The following FAM107B variants were observed in gnomAD, a reference collection of about 807,000 sequenced individuals.
FAM107B encodes the protein family with sequence similarity 107 member B, also known as protein FAM107B.
FAM107B carries 21 observed loss-of-function variants against 31.5 expected under a neutral mutation model. That is an observed-to-expected ratio of 0.67 (90% confidence interval 0.47 to 0.96). FAM107B has a LOEUF of 0.96. Ranked by LOEUF, FAM107B falls within the 40% of genes least tolerant of loss-of-function variation. The pLI, the probability that FAM107B is intolerant of heterozygous loss-of-function variation, is 0.00. For synonymous variants in FAM107B, 157 were observed against 141.5 expected (o/e 1.11, Z -0.78); for missense variants, 452 against 377.1 (o/e 1.20, Z -1.64).
At chr10:14,648,747 T>C (rs1853828398) in intron 2 of FAM107B, among the ~76,000 whole-genome samples, 1 of 152,258 alleles carries the variant, frequency 6.6e-6, no homozygotes, top group African/African-American at 2.4e-5. Flanking sequence ...TCTCTTCATC[T>C]TCAGAACCCA....
chr10:14,718,533 C>CAG (rs546456987), intron 1 of FAM107B, among the ~76,000 whole-genome samples: 7 of 147,098 alleles, frequency 4.8e-5, no homozygotes, highest in African/African-American at 1.5e-4. Flanking sequence ...GAAGGAAGGA[C>CAG]AGAGAGAGAG....
chr10:14,716,968 T>C (rs965972559), intron 1 of FAM107B, among the ~76,000 whole-genome samples: 3 of 152,046 alleles, frequency 2.0e-5, no homozygotes, highest in African/African-American at 7.2e-5. Context: ...CGAGCACCTG[T>C]AATCCCAGCT....
In FAM107B at chr10:14,694,821, G is replaced by C. The variant is rs115546129; in HGVS notation, c.412-27130C>G. 4.6e-3 allele frequency among the ~76,000 whole-genome samples: 703 copies of C among 152,248 alleles called. 2 individuals are homozygous for C. The highest frequency in any genetic ancestry group is 0.016 in the African/African-American group (666 of 41,546). On this transcript the variant is annotated intron_variant, in intron 1 of 4. Coordinates refer to ENST00000181796, the MANE Select transcript of FAM107B (RefSeq NM_031453.4). ...TTTCTTTGGAGAAATGTCTGTTCAG[G>C]TCTTTTGACCATTTTTTAAATCAGG...
rs1417734566 is a variant in FAM107B, at chr10:14,682,893, TA to T, written c.412-15203del. ...TACCCCATAACTTAAAGTATAATAA[TA>T]AAAAAAAGAAAAATAAATAAATAAA... On this transcript the variant is annotated intron_variant, in intron 1 of 4. Transcript: ENST00000181796. 7.3e-5 allele frequency among the ~76,000 whole-genome samples: 11 copies of T among 150,540 alleles called. No homozygotes were observed. In the South Asian group the frequency reaches 8.4e-4, roughly 12 times the overall value.
chr10:14,590,285 G>T (rs1180511627), intron 2 of FAM107B, among the ~76,000 whole-genome samples: 1 of 152,070 alleles, frequency 6.6e-6, no homozygotes, highest in African/African-American at 2.4e-5. Context: ...AGGACTTATT[G>T]GTCACAGCCA....
intron 1 of FAM107B, among the ~76,000 whole-genome samples, chr10:14,759,363 A>G (rs1193890239): frequency 1.3e-5 from 2 of 152,144 alleles, no homozygotes; most frequent in Non-Finnish European, 2.9e-5. Flanking sequence ...CTGTCTGCTC[A>G]TATAGCCACT....
intron 2 of FAM107B, among the ~76,000 whole-genome samples, chr10:14,584,549 C>T (rs1851761369): frequency 6.6e-6 from 1 of 152,222 alleles, no homozygotes; most frequent in Admixed American, 6.5e-5. Context: ...AGTGCATCAA[C>T]TCCTCCCAAA....
At chr10:14,734,324 G>C (rs913292) in intron 1 of FAM107B, among the ~76,000 whole-genome samples, 1 of 151,734 alleles carries the variant, frequency 6.6e-6, no homozygotes. Flanking sequence ...CAATTATATT[G>C]CCCTTACATT....
chr10:14,676,144 G>C (rs1854677730), intron 1 of FAM107B, among the ~76,000 whole-genome samples: 1 of 152,168 alleles, frequency 6.6e-6, no homozygotes, highest in South Asian at 2.1e-4. Context: ...GGGTGACAGA[G>C]CAAGACTCTG....
Position 14,758,712 on chromosome 10 carries a change from T to C in FAM107B, c.411+15541A>G, listed in dbSNP as rs539304722. Reference sequence around the variant, plus strand: ...GAAATCCAGGAGTGTGAAATATTCATCTTAAGTTAAAAGTCTGAGGCCGCG... The same window carrying C: ...GAAATCCAGGAGTGTGAAATATTCACCTTAAGTTAAAAGTCTGAGGCCGCG... On this transcript the variant is annotated intron_variant, in intron 1 of 4. Transcript: ENST00000181796. 1.8e-3 allele frequency among the ~76,000 whole-genome samples: 274 copies of C among 151,590 alleles called. 1 individual carries two copies. Among genetic ancestry groups the C allele is most frequent in the Middle Eastern group, 6.8e-3 (2 of 294 alleles).
chr10:14,667,287 G>A (rs1181083661), intron 2 of FAM107B, among the ~76,000 whole-genome samples: 1 of 152,066 alleles, frequency 6.6e-6, no homozygotes, highest in Middle Eastern at 3.2e-3. Context: ...TGTTTTCCAA[G>A]ATAATCATAA....
rs1368724995 is a variant in FAM107B, at chr10:14,519,500, T to C, written c.*1690A>G. ...ATTCCATTCTTCGAAACCAAATTAC[T>C]GTAGAGCAACAATTTTTCTTAAGCA... On this transcript the variant is annotated 3_prime_UTR_variant, in exon 5 of 5. Transcript: ENST00000181796. 1 of 152,236 alleles carries C rather than the reference T, an allele frequency of 6.6e-6. No homozygotes were observed. Among genetic ancestry groups the C allele is most frequent in the East Asian group, 1.9e-4 (1 of 5,200 alleles). 9.4% of individuals were successfully genotyped at this position (152,236 alleles called of 1,614,324 possible). A position where few individuals can be genotyped will look rare whatever the true frequency, so the allele number is the denominator to read the frequency against.
intron 2 of FAM107B, among the ~76,000 whole-genome samples, chr10:14,625,259 CGTGTGT>C (rs55688523): frequency 4.1e-5 from 6 of 146,214 alleles, no homozygotes; most frequent in Non-Finnish European, 9.0e-5. Flanking sequence ...CGTGTGCGTG[CGTGTGT>C]GTGTGTGTGT....
chr10:14,667,491 A>G, intron 2 of FAM107B, 143 bp downstream of exon 2: 1 of 755,564 alleles, frequency 1.3e-6, no homozygotes, highest in African/African-American at 1.8e-5. Flanking sequence ...CCTGGAATAT[A>G]TCACACGTGA....
At chr10:14,762,781 C>G (rs1346603364) in intron 1 of FAM107B, among the ~76,000 whole-genome samples, 1 of 150,890 alleles carries the variant, frequency 6.6e-6, no homozygotes, top group Admixed American at 6.6e-5. Flanking sequence ...CACACACACA[C>G]ACACACACAC....
chr10:14,637,733 T>C (rs1853535931), intron 2 of FAM107B, among the ~76,000 whole-genome samples: 4 of 152,172 alleles, frequency 2.6e-5, no homozygotes, highest in Admixed American at 2.6e-4. Context: ...ATTCCCTTCC[T>C]GGCTTTGACA....
chr10:14,656,475 C>G (rs1854058116), intron 2 of FAM107B, among the ~76,000 whole-genome samples: 1 of 152,144 alleles, frequency 6.6e-6, no homozygotes, highest in East Asian at 1.9e-4. Context: ...TCCATGTCAT[C>G]AGAATGGAAG....
chr10:14,628,043 G>C (rs1283347180), intron 2 of FAM107B, among the ~76,000 whole-genome samples: 2 of 151,088 alleles, frequency 1.3e-5, no homozygotes, highest in Non-Finnish European at 2.9e-5. Flanking sequence ...CTATTCGTGA[G>C]AATAGTTATG....
At chr10:14,679,330 T>A (rs1854770448) in intron 1 of FAM107B, among the ~76,000 whole-genome samples, 1 of 152,140 alleles carries the variant, frequency 6.6e-6, no homozygotes, top group Admixed American at 6.5e-5. Context: ...AGGGTCTCAC[T>A]ATGTTGTCCA....
Sources: allele counts gnomAD v4.1 joint callset (sites outside exome capture counted in the v4.1 genomes callset), GRCh38; gene constraint gnomAD v4.1.1; transcripts MANE v1.5; gene names NCBI Gene and HGNC (gene_info 2026-07-23, HGNC 2026-07-21).